Variants in ADGRV1 observed in about 807,000 individuals in gnomAD.
ADGRV1 encodes the protein adhesion G protein-coupled receptor V1, also known as G-protein coupled receptor 98.
In ADGRV1, 359 loss-of-function variants were observed where a neutral mutation model predicts 596.2. The observed-to-expected ratio is 0.60, with a 90% confidence interval of 0.55 to 0.66. The LOEUF is 0.66. ADGRV1 is among the 30% of genes least tolerant of loss of function. The probability of loss-of-function intolerance (pLI) is 0.00; values close to 1 mark genes in which losing one functional copy is unlikely to be tolerated. For synonymous variants in ADGRV1, 2,681 were observed against 2,679.2 expected, an observed-to-expected ratio of 1.00 and a Z score of -0.02; for missense variants, 7,274 against 7,575.6, an observed-to-expected ratio of 0.96 and a Z score of 1.48.
intron 53 of ADGRV1, among the ~76,000 whole-genome samples, chr5:90,751,114 G>C (rs143767235): frequency 7.7e-4 from 117 of 152,258 alleles, no homozygotes; most frequent in African/African-American, 2.7e-3. Flanking sequence ...AGTGATATAG[G>C]TTGGGCTTCC....
intron 1 of ADGRV1, 152 bp from the exon 2 acceptor site, chr5:90,614,683 A>G: frequency 1.4e-6 from 1 of 701,606 alleles, no homozygotes; most frequent in Non-Finnish European, 2.6e-6. Flanking sequence ...GTCGTCACAT[A>G]TTTGAGTTTG....
chr5:91,079,849 A>G (rs1391219158), intron 86 of ADGRV1, among the ~76,000 whole-genome samples: 4 of 152,196 alleles, frequency 2.6e-5, no homozygotes, highest in African/African-American at 7.2e-5. Context: ...CTAGGTGGAC[A>G]GAGGGCATAG....
intron 85 of ADGRV1, among the ~76,000 whole-genome samples, chr5:91,062,301 G>T (rs965728660): frequency 1.3e-5 from 2 of 152,130 alleles, no homozygotes; most frequent in African/African-American, 4.8e-5. Context: ...AATTCTCAAG[G>T]GCAAAAGACA....
Position 90,657,963 on chromosome 5 carries a change from G to C in ADGRV1, c.4437G>C (p.Leu1479=), listed in dbSNP as rs962214878. ...ATGGCAATGACAGATTTACAGGTCT[G>C]ATGCAGGATGTGAGGTCCTATGAGC... is the stretch of plus-strand genomic sequence containing the variant. ...GINGNDRFTG[L]MQDVRSYERK... The change falls in exon 21 of 90, where the codon CTG becomes CTC. Residue 1479 remains leucine, a synonymous_variant. Transcript: ENST00000405460. 6.2e-7 allele frequency: 1 copy of C among 1,613,812 alleles called. No individual in the cohort carries two copies. Among genetic ancestry groups the C allele is most frequent in the African/African-American group, 1.3e-5 (1 of 74,924 alleles).
chr5:90,566,586 A>G (rs1168254073), intron 1 of ADGRV1, among the ~76,000 whole-genome samples: 1 of 151,994 alleles, frequency 6.6e-6, no homozygotes, highest in African/African-American at 2.4e-5. Context: ...TTGTTTTATT[A>G]ATTATGTTGT....
chr5:91,146,308 G>T (rs550071335), intron 87 of ADGRV1, among the ~76,000 whole-genome samples: 1 of 152,290 alleles, frequency 6.6e-6, no homozygotes, highest in South Asian at 2.1e-4. Context: ...ACCATTAGAA[G>T]TATACAGTAG....
At chr5:90,794,489 A>G (rs963406127) in intron 70 of ADGRV1, among the ~76,000 whole-genome samples, 4 of 152,214 alleles carry the variant, frequency 2.6e-5, no homozygotes, top group African/African-American at 7.2e-5. Context: ...TTATGTGCCA[A>G]TCACTGTGAG....
At chr5:90,686,036 G>T in intron 29 of ADGRV1, 41 bp downstream of exon 29, 1 of 1,327,770 alleles carries the variant, frequency 7.5e-7, no homozygotes, top group Non-Finnish European at 1.0e-6. Flanking sequence ...ACAGAGGGAT[G>T]TAAGCACAGA....
chr5:90,596,920 TAAAAC>T (rs777504393), intron 1 of ADGRV1, among the ~76,000 whole-genome samples: 17 of 152,220 alleles, frequency 1.1e-4, no homozygotes, highest in Admixed American at 2.6e-4. Context: ...ACACACTTCT[TAAAAC>T]AAAAACAAAA....
At chr5:90,818,208 C>T (rs1279954290) in intron 75 of ADGRV1, among the ~76,000 whole-genome samples, 1 of 151,292 alleles carries the variant, frequency 6.6e-6, no homozygotes, top group Non-Finnish European at 1.5e-5. Context: ...TGATTTGGCT[C>T]TCTGTTTGTC....
chr5:90,686,074 C>T (rs1745590941), intron 29 of ADGRV1, 79 bp downstream of exon 29: 2 of 835,436 alleles, frequency 2.4e-6, no homozygotes, highest in Admixed American at 7.7e-5. Context: ...TTAACACAGC[C>T]TCTCAAAGTT....
At position 90,791,659 on chromosome 5, in the gene ADGRV1, G is replaced by A. The variant is rs1185128246; in HGVS notation, c.14517+313G>A. 1.2e-4 allele frequency: 32 copies of A among 258,254 alleles called. No individual in the cohort carries two copies. In the Admixed American group the frequency reaches 1.3e-3, roughly 10 times the overall value. The allele number at this position is 258,254 out of a possible 1,614,324, so 16.0% of individuals were successfully genotyped here. On this transcript the variant is annotated intron_variant, in intron 70 of 89. Coordinates refer to ENST00000405460, the MANE Select transcript of ADGRV1 (RefSeq NM_032119.4). Reference sequence around the variant, plus strand: ...CACCCATGGACATGTGTATGCACACGCACACACACTGATACTTGTCAAAGG... The same window carrying A: ...CACCCATGGACATGTGTATGCACACACACACACACTGATACTTGTCAAAGG...
intron 21 of ADGRV1, among the ~76,000 whole-genome samples, chr5:90,660,478 A>C (rs2149487980): frequency 6.6e-6 from 1 of 152,308 alleles, no homozygotes; most frequent in African/African-American, 2.4e-5. Flanking sequence ...GACTACAGCC[A>C]CTTCCATAGA....
At chr5:90,834,937 TTTC>T (rs1274251371) in intron 77 of ADGRV1, among the ~76,000 whole-genome samples, 4 of 151,390 alleles carry the variant, frequency 2.6e-5, no homozygotes, top group African/African-American at 7.3e-5. Flanking sequence ...TCTTTCTTTC[TTTC>T]TTTTTCTTTC....
intron 83 of ADGRV1, among the ~76,000 whole-genome samples, chr5:90,893,929 G>A (rs1771063641): frequency 1.3e-5 from 2 of 152,182 alleles, no homozygotes; most frequent in South Asian, 4.1e-4. Flanking sequence ...AACAATTAAT[G>A]TTGCTTTAAA....
In ADGRV1 at chr5:90,855,835, G is replaced by A. The variant is rs1427366480; in HGVS notation, c.17689G>A (p.Ala5897Thr). ...CSHMSVYAVY[A>T]RTDNLSSYNE... ...ACACATGTCTGTGTATGCTGTCTAT[G>A]CTCGGACTGACAACTTGTCTTCATA... The change falls in exon 82 of 90, where the codon GCT becomes ACT. Residue 5897 changes from alanine to threonine, a missense_variant. By Grantham distance (58) the Ala-to-Thr change is moderately conservative. Transcript: ENST00000405460. The A allele has an allele frequency of 2.5e-6, 4 of 1,613,022 alleles. No individual in the cohort carries two copies. Among genetic ancestry groups the A allele is most frequent in the Non-Finnish European group, 3.4e-6 (4 of 1,179,148 alleles).
chr5:90,724,562 A>C (rs1043635513), intron 45 of ADGRV1, among the ~76,000 whole-genome samples: 1 of 152,212 alleles, frequency 6.6e-6, no homozygotes, highest in Non-Finnish European at 1.5e-5. Flanking sequence ...ACACCTTGGA[A>C]AAGTATGTGT....
chr5:90,925,896 GT>G (rs1474019144), intron 83 of ADGRV1, among the ~76,000 whole-genome samples: 1 of 132,010 alleles, frequency 7.6e-6, no homozygotes, highest in East Asian at 2.1e-4. Context: ...TAATCATGTG[GT>G]TTTTGTCTTG....
intron 75 of ADGRV1, among the ~76,000 whole-genome samples, chr5:90,819,617 C>G (rs1298717801): frequency 6.6e-6 from 1 of 150,824 alleles, no homozygotes; most frequent in Non-Finnish European, 1.5e-5. Flanking sequence ...TATGTTGTGT[C>G]TTTGTTCTCG....
Sources: allele counts gnomAD v4.1 joint callset (sites outside exome capture counted in the v4.1 genomes callset), GRCh38; gene constraint gnomAD v4.1.1; transcripts MANE v1.5; gene names NCBI Gene and HGNC (gene_info 2026-07-23, HGNC 2026-07-21).